PRKCH: variants seen among roughly 807,000 people sequenced by gnomAD.
The protein encoded by PRKCH is protein kinase C eta.
In PRKCH, 28 loss-of-function variants were observed where a neutral mutation model predicts 82.5. The observed-to-expected ratio is 0.34, with a 90% CI of 0.25 to 0.47. PRKCH has a LOEUF of 0.47. Ranked by LOEUF, PRKCH falls within the 20% of genes least tolerant of loss-of-function variation. PRKCH has a pLI of 1.00. For synonymous variants in PRKCH, 322 were observed against 327.4 expected, an observed-to-expected ratio of 0.98 and a Z score of 0.18; for missense variants, 705 against 881.8, an observed-to-expected ratio of 0.80 and a Z score of 2.54.
chr14:61,535,917 A>G (rs753875348), intron 12 of PRKCH, among the ~76,000 whole-genome samples: 2 of 152,248 alleles, frequency 1.3e-5, no homozygotes, highest in Non-Finnish European at 2.9e-5. Context: ...ACTGTCGTCT[A>G]AAATTTCCAC....
chr14:61,436,972 T>C (rs150414584), intron 2 of PRKCH, among the ~76,000 whole-genome samples: 2 of 152,388 alleles, frequency 1.3e-5, no homozygotes, highest in East Asian at 3.9e-4. Context: ...ATGGAAGTCT[T>C]CCTTAATTAG....
At chr14:61,510,493 TA>T (rs1887330823) in intron 10 of PRKCH, among the ~76,000 whole-genome samples, 1 of 152,086 alleles carries the variant, frequency 6.6e-6, no homozygotes, top group African/African-American at 2.4e-5. Flanking sequence ...GAGTAGGCGT[TA>T]AAGATGACTC....
upstream of PRKCH, among the ~76,000 whole-genome samples, chr14:61,318,348 CTGGCTAGTTT>C (rs1415943091): frequency 6.6e-6 from 1 of 151,436 alleles, no homozygotes; most frequent in Non-Finnish European, 1.5e-5. Flanking sequence ...GGCACGTGCC[CTGGCTAGTTT>C]TAAAAAGTTT....
chr14:61,485,078 C>T (rs932853289), intron 9 of PRKCH, among the ~76,000 whole-genome samples: 6 of 151,936 alleles, frequency 3.9e-5, no homozygotes, highest in African/African-American at 1.5e-4. Context: ...TGTGATTGTT[C>T]TCTGCCCATT....
chr14:61,457,144 A>G (rs779001337), intron 7 of PRKCH, 32 bp from the exon 8 acceptor site: 2 of 1,608,626 alleles, frequency 1.2e-6, no homozygotes, highest in Non-Finnish European at 8.5e-7. Context: ...TTCTGCTGCA[A>G]TTTCTGACTT....
chr14:61,210,657 T>C (rs1037716224), intron 1 of PRKCH, among the ~76,000 whole-genome samples: 3 of 152,130 alleles, frequency 2.0e-5, no homozygotes, highest in African/African-American at 7.2e-5. Flanking sequence ...TCAAGGGGGA[T>C]GAAGTGACTT....
In PRKCH at chr14:61,523,399, A is replaced by G. The variant is rs12589100; in HGVS notation, c.1434-5676A>G. On this transcript the variant is annotated intron_variant, in intron 10 of 13. Coordinates refer to ENST00000332981, the MANE Select transcript of PRKCH (RefSeq NM_006255.5). The stretch of plus-strand genomic sequence containing the variant: ...TCAATTAAAGTCCTTTTGGGAAACA[A>G]TCTATCCGGGGGATTGGCCGGTGAC... Among the ~76,000 whole-genome samples, 174 of 152,262 alleles carry G rather than the reference A, an allele frequency of 1.1e-3. 2 individuals are homozygous for G. Among genetic ancestry groups the G allele is most frequent in the African/African-American group, 4.0e-3 (165 of 41,550 alleles).
intron 1 of PRKCH, among the ~76,000 whole-genome samples, chr14:61,367,870 A>G (rs908609581): frequency 6.6e-6 from 1 of 151,420 alleles, no homozygotes; most frequent in African/African-American, 2.4e-5. Flanking sequence ...GCCCACCACC[A>G]CGCCCGGCTA....
intron 1 of PRKCH, among the ~76,000 whole-genome samples, chr14:61,285,428 AC>A (rs2045306347): frequency 6.6e-6 from 1 of 152,184 alleles, no homozygotes; most frequent in African/African-American, 2.4e-5. Context: ...TAACTGTGTG[AC>A]CTTGGTCAAA....
intron 2 of PRKCH, among the ~76,000 whole-genome samples, chr14:61,422,497 A>G (rs1003131189): frequency 1.3e-5 from 2 of 152,142 alleles, no homozygotes; most frequent in African/African-American, 4.8e-5. Context: ...TTTCTAGTAT[A>G]TACCCCGTTC....
chr14:61,469,111 T>G (rs1034728910), intron 9 of PRKCH, among the ~76,000 whole-genome samples: 4 of 152,202 alleles, frequency 2.6e-5, no homozygotes, highest in East Asian at 3.9e-4. Context: ...TTTGTTTTCA[T>G]TTTTTGCAGA....
intron 1 of PRKCH, among the ~76,000 whole-genome samples, chr14:61,192,291 G>C (rs934995463): frequency 2.6e-5 from 4 of 152,170 alleles, no homozygotes; most frequent in Non-Finnish European, 5.9e-5. Context: ...AGCCAGGTCA[G>C]AAAGATAAAA....
chr14:61,484,014 TTGGGTGACAGAA>T (rs1251893045), intron 9 of PRKCH, among the ~76,000 whole-genome samples: 4 of 152,180 alleles, frequency 2.6e-5, no homozygotes, highest in Admixed American at 6.5e-5. Context: ...GCACTTCAGC[TTGGGTGACAGAA>T]TGAGACCCTG....
At chr14:61,391,402 A>G in intron 2 of PRKCH, 114 bp downstream of exon 2, 1 of 922,060 alleles carries the variant, frequency 1.1e-6, no homozygotes, top group East Asian at 3.0e-5. Flanking sequence ...ATGCTTAAAA[A>G]ATCACTTTCA....
chr14:61,240,387 G>GAA (rs1479956842), intron 1 of PRKCH, among the ~76,000 whole-genome samples: 1 of 151,866 alleles, frequency 6.6e-6, no homozygotes, highest in African/African-American at 2.4e-5. Context: ...TGTAGCCCTC[G>GAA]AAAAAACCCT....
chr14:61,257,293 G>C (rs890220882), intron 1 of PRKCH, among the ~76,000 whole-genome samples: 4 of 152,022 alleles, frequency 2.6e-5, no homozygotes, highest in Non-Finnish European at 5.9e-5. Context: ...GGTAAAGAAA[G>C]CACGCAGGCC....
chr14:61,280,722 G>A lies in PRKCH; in HGVS notation c.-19+93054G>A. ...GGTAGGGGGCGCACTCGTTGACAGG[G>A]TGGCGCAGCGCGCTGGGGAGTCCGC... On this transcript the variant is annotated intron_variant, in intron 1 of 3. Coordinates refer to the PRKCH transcript ENST00000555185. The surrounding 1 kb of genome is among the most constrained non-coding windows in gnomAD (Gnocchi z 5.0). The A allele has an allele frequency of 6.3e-7, 1 of 1,577,966 alleles. No homozygotes were observed. The highest frequency in any genetic ancestry group is 8.6e-7 in the Non-Finnish European group (1 of 1,166,304).
At chr14:61,388,902 G>GT (rs1223152581) in intron 1 of PRKCH, among the ~76,000 whole-genome samples, 1 of 152,192 alleles carries the variant, frequency 6.6e-6, no homozygotes, top group Non-Finnish European at 1.5e-5. Flanking sequence ...AGGGTGGGTT[G>GT]TAAGAATAGG....
At chr14:61,364,632 C>T (rs990291739) in intron 1 of PRKCH, among the ~76,000 whole-genome samples, 1 of 151,800 alleles carries the variant, frequency 6.6e-6, no homozygotes, top group Non-Finnish European at 1.5e-5. Flanking sequence ...CTCAGGAGTT[C>T]GAGAGACCAG....
Sources: allele counts gnomAD v4.1 joint callset (sites outside exome capture counted in the v4.1 genomes callset), GRCh38; gene constraint gnomAD v4.1.1; non-coding constraint Gnocchi (gnomAD v3.1); transcripts MANE v1.5; gene names NCBI Gene and HGNC (gene_info 2026-07-23, HGNC 2026-07-21).